GPAT3: variants seen among roughly 807,000 people sequenced by gnomAD.
GPAT3 encodes 1-AGP acyltransferase 9.
Under a neutral mutation model 58.8 loss-of-function variants are expected in GPAT3, and 53 were observed. The observed-to-expected ratio is 0.90, with a 90% CI of 0.72 to 1.13. The LOEUF (loss-of-function observed/expected upper bound fraction) is 1.13, where lower values mean the gene tolerates loss of function less well. Among genes scored for constraint, GPAT3 ranks in the 50% most tolerant of loss-of-function variants. The pLI is 0.00. For synonymous variants in GPAT3, 197 were observed against 187.4 expected (o/e 1.05, Z -0.42); for missense variants, 511 against 527.6 (o/e 0.97, Z 0.31).
Position 83,536,207 on chromosome 4 carries a change from G to A in GPAT3, c.-416G>A. On this transcript the variant is annotated 5_prime_UTR_variant, in exon 1 of 12. In the 5' UTR this introduces an upstream ATG that the reference lacks. Transcript: ENST00000264409. The stretch of plus-strand genomic sequence containing the variant: ...GGAACCTGGCTCGGGGAGGGCCTCC[G>A]TGAGTCATCTGCTGAGTTGTCGCAA... 3.0e-6 allele frequency: 3 copies of A among 989,072 alleles called. No homozygotes were observed. Among genetic ancestry groups the A allele is most frequent in the Non-Finnish European group, 3.6e-6 (3 of 832,514 alleles). The allele number at this position is 989,072 out of a possible 1,614,324, so 61.3% of individuals were successfully genotyped here.
chr4:83,603,682 C>T (rs1727148419), intron 11 of GPAT3, among the ~76,000 whole-genome samples: 1 of 150,566 alleles, frequency 6.6e-6, no homozygotes, highest in Non-Finnish European at 1.5e-5. Flanking sequence ...CCCAGCTACT[C>T]AGGAGGCTGA....
At chr4:83,542,826 C>A (rs1037871763) in intron 1 of GPAT3, among the ~76,000 whole-genome samples, 2 of 151,750 alleles carry the variant, frequency 1.3e-5, no homozygotes, top group Non-Finnish European at 2.9e-5. Flanking sequence ...AGTGAAACCC[C>A]ATCTCTACTA....
At chr4:83,597,299 T>G (rs1365770507) in intron 8 of GPAT3, 131 bp from the exon 9 acceptor site, 13 of 533,604 alleles carry the variant, frequency 2.4e-5, no homozygotes, top group Non-Finnish European at 3.4e-5. Context: ...GGTTCGTTTG[T>G]GATATGGTAG....
At chr4:83,559,522 C>T (rs1560609271) in intron 2 of GPAT3, among the ~76,000 whole-genome samples, 3 of 152,162 alleles carry the variant, frequency 2.0e-5, no homozygotes, top group Non-Finnish European at 4.4e-5. Context: ...TGGGGTTTCA[C>T]TGTGTTGCCC....
At chr4:83,535,727 T>C (rs1724051707), upstream of GPAT3, 6 of 985,258 alleles carry the variant, frequency 6.1e-6, no homozygotes, top group Non-Finnish European at 7.2e-6. Context: ...CCCACAGCTG[T>C]AGGCCATGTG....
At chr4:83,541,366 T>C (rs1352486464) in intron 1 of GPAT3, among the ~76,000 whole-genome samples, 1 of 150,648 alleles carries the variant, frequency 6.6e-6, no homozygotes, top group African/African-American at 2.4e-5. Flanking sequence ...CACAGACGTG[T>C]ACCACCATGC....
intron 2 of GPAT3, among the ~76,000 whole-genome samples, chr4:83,563,380 G>A (rs1725252268): frequency 6.6e-6 from 1 of 151,226 alleles, no homozygotes; most frequent in Non-Finnish European, 1.5e-5. Context: ...TCTATCCCAA[G>A]TTAGTTTCTT....
At chr4:83,563,478 CTTTTTTTTTTTT>C (rs908400401) in intron 2 of GPAT3, among the ~76,000 whole-genome samples, 2 of 114,478 alleles carry the variant, frequency 1.7e-5, no homozygotes, top group Admixed American at 1.0e-4. Context: ...TTTCTTTCTT[CTTTTTTTTTTTT>C]TTTTTTTTTG....
intron 2 of GPAT3, among the ~76,000 whole-genome samples, chr4:83,562,196 TATAATATATATATATTATATATATATATA>T (rs1484444279): frequency 0.03 from 1,337 of 44,638 alleles, 50 homozygotes; most frequent in African/African-American, 0.14. Context: ...TATATATATA[TATAATATATATATATTATATATATATATA>T]ATATATATAT....
intron 1 of GPAT3, among the ~76,000 whole-genome samples, chr4:83,543,464 C>A (rs1290625727): frequency 6.6e-6 from 1 of 152,120 alleles, no homozygotes; most frequent in East Asian, 1.9e-4. Context: ...AAAATCACAT[C>A]TGGGTACGTT....
At position 83,600,288 on chromosome 4, in the gene GPAT3, T is replaced by C. The variant is rs369550798; in HGVS notation, c.1205+1565T>C. Among the ~76,000 whole-genome samples the C allele has an allele frequency of 3.3e-5, 5 of 151,508 alleles. No homozygotes were observed. In the East Asian group the frequency reaches 9.7e-4, roughly 30 times the overall value. ...TCTTTGTGCAGGCATGAAGAGAGAGTGCAAGTTCTCTAGTGTTTCTTTTTA... is the reference window on the plus strand; with the variant it reads ...TCTTTGTGCAGGCATGAAGAGAGAGCGCAAGTTCTCTAGTGTTTCTTTTTA... On this transcript the variant is annotated intron_variant, in intron 11 of 11. Transcript: ENST00000264409.
chr4:83,571,707 C>T (rs201638031), intron 2 of GPAT3, among the ~76,000 whole-genome samples: 40 of 150,686 alleles, frequency 2.7e-4, no homozygotes, highest in Non-Finnish European at 4.3e-4. Flanking sequence ...TACACACACA[C>T]ATATATATAC....
At chr4:83,558,435 A>T (rs9998769) in intron 2 of GPAT3, among the ~76,000 whole-genome samples, 4,451 of 152,304 alleles carry the variant, frequency 0.029, 239 homozygotes, top group African/African-American at 0.1. Flanking sequence ...CTGCAGTGCT[A>T]ACAGAACCAG....
intron 1 of GPAT3, among the ~76,000 whole-genome samples, chr4:83,539,069 A>G (rs1265334099): frequency 6.6e-6 from 1 of 152,192 alleles, no homozygotes; most frequent in Admixed American, 6.5e-5. Context: ...GGTGCAGGAG[A>G]ACAGTAACCC....
intron 2 of GPAT3, among the ~76,000 whole-genome samples, chr4:83,560,604 A>G (rs1036257734): frequency 2.6e-5 from 4 of 152,124 alleles, no homozygotes; most frequent in African/African-American, 9.7e-5. Context: ...TATGCAGAGG[A>G]CAGCAACTTG....
chr4:83,598,751 C>CATTTTTT, intron 11 of GPAT3, 28 bp downstream of exon 11: 1 of 150,718 alleles, frequency 6.6e-6, no homozygotes. Flanking sequence ...AGTACTATCA[C>CATTTTTT]TTTTTTTTTT....
intron 2 of GPAT3, among the ~76,000 whole-genome samples, chr4:83,579,795 G>A (rs985318136): frequency 2.6e-5 from 4 of 152,136 alleles, no homozygotes; most frequent in Admixed American, 2.6e-4. Flanking sequence ...TTGACTCCAG[G>A]TCCTCTTTCC....
At chr4:83,547,246 C>CTTTTTTTTT (rs10618385) in intron 2 of GPAT3, among the ~76,000 whole-genome samples, 1 of 82,202 alleles carries the variant, frequency 1.2e-5, no homozygotes, top group African/African-American at 5.7e-5. Flanking sequence ...TTCTACTGCT[C>CTTTTTTTTT]TTTTTTTTTT....
intron 3 of GPAT3, among the ~76,000 whole-genome samples, chr4:83,583,261 T>C (rs1726229857): frequency 6.6e-6 from 1 of 151,728 alleles, no homozygotes. Flanking sequence ...GCCACTGCAC[T>C]CTAGCCTGGC....
Sources: allele counts gnomAD v4.1 joint callset (sites outside exome capture counted in the v4.1 genomes callset), GRCh38; gene constraint gnomAD v4.1.1; transcripts MANE v1.5; gene names NCBI Gene and HGNC (gene_info 2026-07-23, HGNC 2026-07-21).